RNASEL: variants seen among roughly 807,000 people sequenced by gnomAD.
The protein encoded by RNASEL is 2-5A-dependent ribonuclease.
A neutral mutation model predicts 50.9 loss-of-function variants in RNASEL; 36 were observed. That is an observed-to-expected ratio of 0.71 (90% CI 0.54 to 0.93). The LOEUF (loss-of-function observed/expected upper bound fraction) is 0.93. Ranked by LOEUF, RNASEL falls within the 40% of genes least tolerant of loss-of-function variation. RNASEL has a pLI of 0.00. For synonymous variants in RNASEL, 335 were observed against 335.6 expected (o/e 1.00, Z 0.02); for missense variants, 860 against 894.5 (o/e 0.96, Z 0.49).
At chr1:182,576,219 T>A (rs1457007567) in intron 6 of RNASEL, 37 bp downstream of exon 6, 1 of 1,584,232 alleles carries the variant, frequency 6.3e-7, no homozygotes. Flanking sequence ...TTGTTCTCAT[T>A]TCACATATAA....
At position 182,585,789 on chromosome 1, in the gene RNASEL, T is replaced by A; in HGVS notation, c.1018A>T (p.Ser340Cys). 1.9e-6 allele frequency: 3 copies of A among 1,614,170 alleles called. No homozygotes were observed. The highest frequency in any genetic ancestry group is 2.5e-6 in the Non-Finnish European group (3 of 1,180,024). The change falls in exon 2 of 7, where the codon AGC becomes TGC. Residue 340 changes from serine to cysteine, a missense_variant. Physicochemically the swap from Ser to Cys is moderately radical, Grantham distance 112. Transcript: ENST00000367559. ...HPPAEDWKPQ[S>C]SHWGAALKDL... ...TTCAGGGCTGCCCCCCAGTGTGAGCTCTGAGGCTTCCAGTCTTCAGCAGGA... is the reference window on the plus strand; with the variant it reads ...TTCAGGGCTGCCCCCCAGTGTGAGCACTGAGGCTTCCAGTCTTCAGCAGGA...
chr1:182,582,371 T>C (rs1661513478), intron 3 of RNASEL, 113 bp from the exon 4 acceptor site: 2 of 1,282,622 alleles, frequency 1.6e-6, no homozygotes, highest in Non-Finnish European at 1.1e-6. Flanking sequence ...CTCAAGGAAT[T>C]TGTAGGCTTG....
At position 182,575,430 on chromosome 1, in the gene RNASEL, C is replaced by T. The variant is rs533691919; in HGVS notation, c.2188G>A (p.Ala730Thr). ...CTGGCCAACCCACTGGCCCCACCAG[C>T]TCCATCACACTGAGGCTTGTTTGGA... The part of the protein sequence containing the change: ...HSPNKPQCDG[A>T]GGASGLASPG... The change falls in exon 7 of 7, where the codon GCT becomes ACT. Residue 730 changes from alanine (A) to threonine (T), a missense_variant. Physicochemically the swap from Ala to Thr is moderately conservative, Grantham distance 58. Coordinates refer to ENST00000367559, the MANE Select transcript of RNASEL (RefSeq NM_021133.4). 4.3e-6 allele frequency: 7 copies of T among 1,614,198 alleles called. No individual in the cohort carries two copies. The African/African-American group carries it at 9.3e-5, about 22-fold the overall frequency.
chr1:182,587,291 A>T (rs1661619359), intron 1 of RNASEL, among the ~76,000 whole-genome samples: 1 of 151,662 alleles, frequency 6.6e-6, no homozygotes, highest in Non-Finnish European at 1.5e-5. Context: ...GTGTTATTGC[A>T]AAGTCTTGTA....
intron 5 of RNASEL, among the ~76,000 whole-genome samples, chr1:182,580,398 C>A (rs1025483008): frequency 3.9e-5 from 6 of 152,146 alleles, no homozygotes; most frequent in African/African-American, 1.4e-4. Context: ...AAGCAGAGTC[C>A]CAGGTCAGGT....
chr1:182,584,735 C>T (rs1303706279), intron 2 of RNASEL, among the ~76,000 whole-genome samples: 1 of 152,242 alleles, frequency 6.6e-6, no homozygotes, highest in African/African-American at 2.4e-5. Context: ...ACTAGTGAGA[C>T]TAGGCTTCAA....
At chr1:182,580,913 G>T (rs1661480833) in intron 5 of RNASEL, among the ~76,000 whole-genome samples, 1 of 151,920 alleles carries the variant, frequency 6.6e-6, no homozygotes, top group Admixed American at 6.5e-5. Context: ...GTGCCATAAT[G>T]GCAATAGGAT....
rs183339194 is a variant in RNASEL, at chr1:182,580,064, C to T, written c.1905+1161G>A. On this transcript the variant is annotated intron_variant, in intron 5 of 6. Transcript: ENST00000367559. The stretch of plus-strand genomic sequence containing the variant: ...GTGCTAAAGATTAAATGTGGTAACT[C>T]ATGTAAAGTCTCAAGAACTATGGCT... The T allele has an allele frequency of 1.4e-5, 6 of 431,050 alleles. No homozygotes were observed. The Admixed American group carries it at 1.5e-4, about 11-fold the overall frequency. The allele number at this position is 431,050 out of a possible 1,614,324, so 26.7% of individuals were successfully genotyped here.
Position 182,586,372 on chromosome 1 carries a change from A to G in RNASEL, c.435T>C (p.Tyr145=), listed in dbSNP as rs1236657670. The G allele has an allele frequency of 6.2e-7, 1 of 1,614,110 alleles. No homozygotes were observed. Among genetic ancestry groups the G allele is most frequent in the Non-Finnish European group, 8.5e-7 (1 of 1,180,028 alleles). ...TCAAATTCACATTTGCTCCTCTCTT[A>G]TAAAGGAATTTTAGGGCTTTGACCT... The part of the protein sequence containing the change: ...YGKVKALKFL[Y]KRGANVNLRR... The change falls in exon 2 of 7, where the codon TAT becomes TAC. Residue 145 remains tyrosine, a synonymous_variant. Coordinates refer to ENST00000367559, the MANE Select transcript of RNASEL (RefSeq NM_021133.4).
chr1:182,584,011 G>A, intron 3 of RNASEL, 70 bp downstream of exon 3: 1 of 1,133,462 alleles, frequency 8.8e-7, no homozygotes, highest in East Asian at 2.3e-5. Context: ...TCCCTCTAGA[G>A]AACCCTGACT....
chr1:182,586,054 G>C lies in RNASEL; in HGVS notation c.753C>G (p.His251Gln). 1 of 1,614,004 alleles carries C rather than the reference G, an allele frequency of 6.2e-7. No individual in the cohort carries two copies. The highest frequency in any genetic ancestry group is 8.5e-7 in the Non-Finnish European group (1 of 1,180,032). The change falls in exon 2 of 7, where the codon CAC becomes CAG. Residue 251 changes from histidine to glutamine, a missense_variant. His to Gln is a conservative substitution (Grantham distance 24, BLOSUM62 0). Transcript: ENST00000367559. ...CCAGAAGCCTCTGCACCAAACCCAA[G>C]TGCTTCTTCTCCACTGCCAGGATCA... ...TPLILAVEKK[H>Q]LGLVQRLLEQ...
chr1:182,575,825 T>C (rs1197261174), intron 6 of RNASEL, among the ~76,000 whole-genome samples: 4 of 152,244 alleles, frequency 2.6e-5, no homozygotes, highest in Non-Finnish European at 5.9e-5. Flanking sequence ...CACAATCCTC[T>C]ACCTACAATT....
At position 182,586,573 on chromosome 1, in the gene RNASEL, C is replaced by T. The variant is rs2102372227; in HGVS notation, c.234G>A (p.Leu78=). The change falls in exon 2 of 7, where the codon CTG becomes CTA. Residue 78 remains leucine, a synonymous_variant. Transcript: ENST00000367559. ...GAACAGGGTCAGCACCATGACGAAG[C>T]AGAAGTTCCACAATGTCCTCCCTGC... ...QMSREDIVEL[L]LRHGADPVLR... is the part of the protein sequence containing the mutation. The T allele has an allele frequency of 6.2e-7, 1 of 1,604,332 alleles. No homozygotes were observed. The highest frequency in any genetic ancestry group is 8.5e-7 in the Non-Finnish European group (1 of 1,173,208).
At chr1:182,579,465 GAC>G in intron 5 of RNASEL, 1 of 1,011,230 alleles carries the variant, frequency 9.9e-7, no homozygotes, top group Non-Finnish European at 1.2e-6. Flanking sequence ...ATGCTGCTGA[GAC>G]TGGCCAGGTG....
Position 182,574,590 on chromosome 1 carries a change from G to A in RNASEL, c.*802C>T, listed in dbSNP as rs1247836619. On this transcript the variant is annotated 3_prime_UTR_variant, in exon 7 of 7. Coordinates refer to ENST00000367559, the MANE Select transcript of RNASEL (RefSeq NM_021133.4). ...TTGTCTGGATAATTCTTTGTTGCAG[G>A]GGCTGTCCTGTGCAAGGCAGGTTTG... The A allele has an allele frequency of 4.3e-6, 1 of 232,490 alleles. No individual in the cohort carries two copies. The highest frequency in any genetic ancestry group is 5.6e-5 in the Admixed American group (1 of 17,712). The allele number at this position is 232,490 out of a possible 1,614,324, so 14.4% of individuals were successfully genotyped here.
intron 5 of RNASEL, among the ~76,000 whole-genome samples, chr1:182,577,578 A>G (rs1023265811): frequency 1.3e-5 from 2 of 152,190 alleles, no homozygotes; most frequent in African/African-American, 4.8e-5. Flanking sequence ...TACAGATTCA[A>G]TGCAATCCCT....
rs763032491 is a variant in RNASEL at position 182,586,520 on chromosome 1, A to G, written c.287T>C (p.Phe96Ser). 6.2e-7 allele frequency: 1 copy of G among 1,610,932 alleles called. No homozygotes were observed. Among genetic ancestry groups the G allele is most frequent in the Non-Finnish European group, 8.5e-7 (1 of 1,177,632 alleles). Residue 96 changes from phenylalanine (F) to serine (S), a missense_variant, in exon 2 of 7, where the codon TTT becomes TCT. Coordinates refer to ENST00000367559, the MANE Select transcript of RNASEL (RefSeq NM_021133.4). ...VLRKKNGATP[F>S]ILAAIAGSVK... ...GCTCCCCGCAATCGCTGCGAGGATA[A>G]AAGGCGTGGCCCCATTCTTCTTCCT... is the stretch of plus-strand genomic sequence containing the variant.
rs556502818 is a variant in RNASEL, at chr1:182,574,938, G to A, written c.*454C>T. The A allele has an allele frequency of 3.6e-4, 92 of 256,410 alleles. No homozygotes were observed. The highest frequency in any genetic ancestry group is 2.0e-3 in the African/African-American group (89 of 45,606). 15.9% of individuals were successfully genotyped at this position (256,410 alleles called of 1,614,324 possible). ...GTTAAGTTTTAAGGTGCCCAAATGAGAGGTACCAATAACACCACATAAATT... is the reference window on the plus strand; with the variant it reads ...GTTAAGTTTTAAGGTGCCCAAATGAAAGGTACCAATAACACCACATAAATT... On this transcript the variant is annotated 3_prime_UTR_variant, in exon 7 of 7. Transcript: ENST00000367559.
At chr1:182,587,733 T>C (rs1042180131) in intron 1 of RNASEL, among the ~76,000 whole-genome samples, 5 of 152,210 alleles carry the variant, frequency 3.3e-5, no homozygotes, top group Non-Finnish European at 7.3e-5. Flanking sequence ...TTTGCATTTC[T>C]TATGTCACCA....
Sources: gnomAD v4.1 joint callset for allele counts (sites outside exome capture counted in the v4.1 genomes callset) on GRCh38, gnomAD v4.1.1 for gene constraint, MANE v1.5 for transcripts, NCBI Gene and HGNC (gene_info 2026-07-23, HGNC 2026-07-21) for gene names.